Variants in NPHP4 observed in about 807,000 individuals in gnomAD.
NPHP4 encodes nephrocystin-4.
NPHP4 carries 151 observed loss-of-function variants against 155.8 expected under a neutral mutation model. The observed-to-expected ratio is 0.97, with a 90% CI of 0.85 to 1.11. The LOEUF (loss-of-function observed/expected upper bound fraction) is 1.11. Ranked by LOEUF, NPHP4 falls within the 50% of genes least tolerant of loss-of-function variation. The probability of loss-of-function intolerance (pLI) is 0.00; values close to 1 mark genes in which losing one functional copy is unlikely to be tolerated. For synonymous variants in NPHP4, 845 were observed against 816.8 expected (o/e 1.03, Z -0.59); for missense variants, 1,956 against 1,925.7 (o/e 1.02, Z -0.29).
intron 23 of NPHP4, among the ~76,000 whole-genome samples, chr1:5,869,974 A>G (rs1321924368): frequency 6.6e-6 from 1 of 152,246 alleles, no homozygotes; most frequent in African/African-American, 2.4e-5. Flanking sequence ...ACATATCTAT[A>G]CATCATATAT....
At chr1:5,942,024 C>T (rs913352265) in intron 9 of NPHP4, among the ~76,000 whole-genome samples, 1 of 152,132 alleles carries the variant, frequency 6.6e-6, no homozygotes, top group African/African-American at 2.4e-5. Context: ...CACTTATTAG[C>T]TGCATGGAGG....
Position 5,892,562 on chromosome 1 carries a change from G to T in NPHP4, c.2144-1534C>A, listed in dbSNP as rs991820518. Among the ~76,000 whole-genome samples, 2 of 152,164 alleles carry T rather than the reference G, an allele frequency of 1.3e-5. No homozygotes were observed. Among genetic ancestry groups the T allele is most frequent in the African/African-American group, 2.4e-5 (1 of 41,432 alleles). On this transcript the variant is annotated intron_variant, in intron 16 of 29. Transcript: ENST00000378156. The surrounding 1 kb of genome is among the most constrained non-coding windows in gnomAD (Gnocchi z 4.5). ...GCATTGAAAGGCCCTGGCAGTGCTG[G>T]GGTATAGTGGTGACAGAATGGGGGC...
At chr1:5,969,062 A>T (rs1202971397) in intron 4 of NPHP4, 25 bp downstream of exon 4, 3 of 1,471,290 alleles carry the variant, frequency 2.0e-6, no homozygotes, top group East Asian at 5.0e-5. Context: ...GGAAAACCCC[A>T]GGGTTGTAGA....
intron 19 of NPHP4, among the ~76,000 whole-genome samples, chr1:5,878,173 C>G (rs1048373554): frequency 6.6e-6 from 1 of 152,228 alleles, no homozygotes; most frequent in Non-Finnish European, 1.5e-5. Flanking sequence ...AATGCCAGCC[C>G]GAGCTCTCCC....
Position 5,904,677 on chromosome 1 carries a change from T to TGGGCTG in NPHP4, c.2077_2082dup (p.Gln693_Pro694dup), listed in dbSNP as rs2101120687. ...AGGATGTGGGTCAGGGCGCCAGAGCTGGGCTGGCCGGCCTCATCCAGCTGG... is the reference window on the plus strand; with the variant it reads ...AGGATGTGGGTCAGGGCGCCAGAGCTGGGCTGGGGCTGGCCGGCCTCATCCAGCTGG... On this transcript the variant is annotated inframe_insertion, in exon 16 of 30. Transcript: ENST00000378156. 5 of 1,614,006 alleles carry TGGGCTG rather than the reference T, an allele frequency of 3.1e-6. No homozygotes were observed. Among genetic ancestry groups the TGGGCTG allele is most frequent in the Non-Finnish European group, 4.2e-6 (5 of 1,179,886 alleles).
intron 6 of NPHP4, among the ~76,000 whole-genome samples, chr1:5,960,761 A>C (rs1650162657): frequency 6.6e-6 from 1 of 152,148 alleles, no homozygotes; most frequent in Non-Finnish European, 1.5e-5. Context: ...AGATTCCTAC[A>C]GCAGAGCACA....
chr1:5,948,280 C>A, intron 7 of NPHP4, 29 bp from the exon 8 acceptor site: 1 of 1,500,008 alleles, frequency 6.7e-7, no homozygotes, highest in Non-Finnish European at 8.9e-7. Flanking sequence ...GAATGAGCCC[C>A]GGCACAGACG....
rs1210216736 is a variant in NPHP4, at chr1:5,877,167, T to G, written c.2743A>C (p.Lys915Gln). 1.9e-6 allele frequency: 3 copies of G among 1,606,930 alleles called. No individual in the cohort carries two copies. Among genetic ancestry groups the G allele is most frequent in the African/African-American group, 1.3e-5 (1 of 74,964 alleles). Residue 915 changes from lysine (K) to glutamine (Q), a missense_variant, in exon 20 of 30, where the codon AAG becomes CAG. Lys to Gln is a moderately conservative substitution (Grantham distance 53). Transcript: ENST00000378156. ...CGCACAGACCTCATCCGCTCCAGCTTACGCCTGCGGGTGGCATCCGACTCG... is the reference window on the plus strand; with the variant it reads ...CGCACAGACCTCATCCGCTCCAGCTGACGCCTGCGGGTGGCATCCGACTCG... ...SRESDATRRR[K>Q]LERMRSVRLQ... is the part of the protein sequence containing the mutation.
intron 1 of NPHP4, among the ~76,000 whole-genome samples, chr1:5,989,430 C>T (rs559606353): frequency 6.6e-6 from 1 of 152,302 alleles, no homozygotes; most frequent in African/African-American, 2.4e-5. Flanking sequence ...GGTCCAGGCC[C>T]CAGGCTCACA....
chr1:5,912,183 AATGGG>A (rs973568097), intron 11 of NPHP4, among the ~76,000 whole-genome samples: 1 of 152,238 alleles, frequency 6.6e-6, no homozygotes, highest in Admixed American at 6.5e-5. Flanking sequence ...GCAGGGGAGC[AATGGG>A]ATGGGAGGAG....
chr1:5,869,020 C>T (rs1410040256), intron 23 of NPHP4, among the ~76,000 whole-genome samples: 1 of 133,702 alleles, frequency 7.5e-6, no homozygotes, highest in Non-Finnish European at 1.6e-5. Context: ...TACACACACA[C>T]ATGCACACAC....
At chr1:5,928,808 CA>C (rs113365524) in intron 10 of NPHP4, among the ~76,000 whole-genome samples, 1 of 152,090 alleles carries the variant, frequency 6.6e-6, no homozygotes, top group Non-Finnish European at 1.5e-5. Context: ...TCTATATCGC[CA>C]AAAAAATCCT....
At chr1:5,914,196 G>T (rs1196531547) in intron 11 of NPHP4, among the ~76,000 whole-genome samples, 2 of 136,784 alleles carry the variant, frequency 1.5e-5, no homozygotes, top group Non-Finnish European at 3.1e-5. Flanking sequence ...AAGGCAGGAG[G>T]ACTGTTTTGA....
chr1:5,968,047 C>T (rs928115883), intron 4 of NPHP4, among the ~76,000 whole-genome samples: 3 of 152,034 alleles, frequency 2.0e-5, no homozygotes, highest in Non-Finnish European at 4.4e-5. Context: ...GCTGAATGAA[C>T]ACCTACTGCC....
intron 6 of NPHP4, among the ~76,000 whole-genome samples, chr1:5,955,221 A>T (rs1368816181): frequency 1.3e-5 from 2 of 152,222 alleles, no homozygotes; most frequent in Non-Finnish European, 2.9e-5. Context: ...CATCAAAAAG[A>T]TAAAAGAAAA....
In NPHP4 at chr1:5,889,003, C is replaced by A. The variant is rs1400454495; in HGVS notation, c.2305-1537G>T. ...TGACCCTGGGCCTCTGTTTTCTCCA[C>A]CAGAAACAAGGATAAAAACAGAACT... On this transcript the variant is annotated intron_variant, in intron 17 of 29. Coordinates refer to ENST00000378156, the MANE Select transcript of NPHP4 (RefSeq NM_015102.5). The surrounding 1 kb of genome is among the most constrained non-coding windows in gnomAD (Gnocchi z 4.2). Among the ~76,000 whole-genome samples, 1 of 152,212 alleles carries A rather than the reference C, an allele frequency of 6.6e-6. No homozygotes were observed. The highest frequency in any genetic ancestry group is 2.4e-5 in the African/African-American group (1 of 41,436).
intron 1 of NPHP4, among the ~76,000 whole-genome samples, chr1:5,991,109 C>G (rs984670138): frequency 1.3e-5 from 2 of 151,602 alleles, no homozygotes; most frequent in African/African-American, 4.9e-5. Context: ...AGCCTCCTTC[C>G]CGGAATGGAA....
Position 5,863,162 on chromosome 1 carries a change from G to GA in NPHP4, c.*102dup, listed in dbSNP as rs1640811100. On this transcript the variant is annotated 3_prime_UTR_variant, in exon 30 of 30. Transcript: ENST00000378156. The stretch of plus-strand genomic sequence containing the variant: ...TGCACAGGTCAGCCAGGTGGGCACT[G>GA]AAGTGAAAGGCTGCAGAGAGGCGGG... 7.7e-7 allele frequency: 1 copy of GA among 1,303,792 alleles called. No individual in the cohort carries two copies. The highest frequency in any genetic ancestry group is 1.1e-6 in the Non-Finnish European group (1 of 900,724). 80.8% of individuals were successfully genotyped at this position (1,303,792 alleles called of 1,614,324 possible).
rs747479027 is a variant in NPHP4 at position 5,927,795 on chromosome 1, G to T, written c.1303-8C>A. The T allele has an allele frequency of 1.2e-5, 19 of 1,606,288 alleles. 2 individuals carry two copies. The South Asian group carries it at 1.9e-4, about 16-fold the overall frequency. On this transcript the variant is annotated splice_polypyrimidine_tract_variant and splice_region_variant and intron_variant, in intron 10 of 29. Coordinates refer to ENST00000378156, the MANE Select transcript of NPHP4 (RefSeq NM_015102.5). ...CGACTCCACCTGCTTCACCTGCAAT[G>T]GACCAGAAGAGCAGTGATGGCCACT... is the stretch of plus-strand genomic sequence containing the variant.
Sources: allele counts gnomAD v4.1 joint callset (sites outside exome capture counted in the v4.1 genomes callset), GRCh38; gene constraint gnomAD v4.1.1; non-coding constraint Gnocchi (gnomAD v3.1); transcripts MANE v1.5; gene names NCBI Gene and HGNC (gene_info 2026-07-23, HGNC 2026-07-21).